The following LNPEP variants were observed in gnomAD, a reference collection of about 807,000 sequenced individuals.
LNPEP encodes leucyl-cystinyl aminopeptidase.
A neutral mutation model predicts 120.6 loss-of-function variants in LNPEP; 64 were observed. The observed-to-expected ratio is 0.53, with a 90% confidence interval of 0.43 to 0.65. The LOEUF (loss-of-function observed/expected upper bound fraction) is 0.65. LNPEP is among the 30% of genes least tolerant of loss of function. The pLI is 0.00. For missense variants in LNPEP, 1,057 were observed against 1,200.0 expected (o/e 0.88, Z 1.76); for synonymous variants, 435 against 425.4 (o/e 1.02, Z -0.28).
intron 6 of LNPEP, among the ~76,000 whole-genome samples, chr5:96,994,568 GAGAA>G (rs1790463554): frequency 6.6e-6 from 1 of 151,872 alleles, no homozygotes; most frequent in African/African-American, 2.4e-5. Context: ...ATGACATGGA[GAGAA>G]AGAAAGAAAA....
At chr5:96,966,423 C>T (rs1443707379) in intron 1 of LNPEP, among the ~76,000 whole-genome samples, 1 of 151,780 alleles carries the variant, frequency 6.6e-6, no homozygotes, top group African/African-American at 2.4e-5. Flanking sequence ...TTGCTTGAGC[C>T]TGGGAGTTTG....
intron 1 of LNPEP, among the ~76,000 whole-genome samples, chr5:96,976,202 T>A (rs1050085728): frequency 1.2e-4 from 18 of 152,112 alleles, no homozygotes; most frequent in Non-Finnish European, 1.5e-5. Context: ...ATAAAAGTGA[T>A]TTTCCCTGAT....
intron 1 of LNPEP, among the ~76,000 whole-genome samples, chr5:96,974,704 A>G (rs1183103517): frequency 6.6e-6 from 1 of 152,054 alleles, no homozygotes; most frequent in Non-Finnish European, 1.5e-5. Flanking sequence ...GGCCCCTGGA[A>G]TCAGGCTTCT....
intron 1 of LNPEP, chr5:96,937,665 A>C (rs1449116490): frequency 1.3e-5 from 2 of 152,224 alleles, no homozygotes; most frequent in Non-Finnish European, 2.9e-5. Context: ...AAATTAAAAA[A>C]AAAATCTCTG....
intron 1 of LNPEP, among the ~76,000 whole-genome samples, chr5:96,938,038 C>G (rs1788961171): frequency 6.6e-6 from 1 of 152,164 alleles, no homozygotes; most frequent in Non-Finnish European, 1.5e-5. Context: ...ACAAGGAAAA[C>G]AGAAACGACA....
At chr5:96,973,577 A>T (rs1382871178) in intron 1 of LNPEP, among the ~76,000 whole-genome samples, 1 of 152,142 alleles carries the variant, frequency 6.6e-6, no homozygotes, top group Admixed American at 6.6e-5. Flanking sequence ...TAGCATTTAC[A>T]ATGGATTGGA....
In LNPEP at chr5:97,013,811, C is replaced by T; in HGVS notation, c.2199C>T (p.Asn733=). ...ACAAAGACCGAGCCAACCTTATCAA[C>T]AACATCTTTGAACTTGCAGGGTAGA... The part of the protein sequence containing the change: ...LSDKDRANLI[N]NIFELAGLGK... Residue 733 remains asparagine (N), a synonymous_variant, in exon 12 of 18, where the codon AAC becomes AAT. Transcript: ENST00000231368. 6.2e-7 allele frequency: 1 copy of T among 1,601,466 alleles called. No individual in the cohort carries two copies. The highest frequency in any genetic ancestry group is 1.7e-4 in the Middle Eastern group (1 of 6,010).
chr5:96,938,578 T>C (rs1166775188), intron 1 of LNPEP, among the ~76,000 whole-genome samples: 13 of 152,192 alleles, frequency 8.5e-5, no homozygotes, highest in Admixed American at 8.5e-4. Context: ...TTTTTTGTAG[T>C]TTCCCTGTTT....
Position 96,979,760 on chromosome 5 carries a change from T to C in LNPEP, c.642T>C (p.His214=). The C allele has an allele frequency of 6.2e-7, 1 of 1,614,026 alleles. No individual in the cohort carries two copies. The highest frequency in any genetic ancestry group is 8.5e-7 in the Non-Finnish European group (1 of 1,179,926). Residue 214 remains histidine, a synonymous_variant, in exon 2 of 18, where the codon CAT becomes CAC. Transcript: ENST00000231368. Reference sequence around the variant, plus strand: ...ATATCATTCTTCATAGCACAGGTCATAATATTTCAAGAGTGACCTTTATGT... The same window carrying C: ...ATATCATTCTTCATAGCACAGGTCACAATATTTCAAGAGTGACCTTTATGT... ...TWNIILHSTG[H]NISRVTFMSA...
chr5:96,980,446 A>T, intron 2 of LNPEP, among the ~76,000 whole-genome samples: 1 of 152,056 alleles, frequency 6.6e-6, no homozygotes, highest in East Asian at 1.9e-4. Context: ...CTTAATCTTT[A>T]CTGGTTTATT....
intron 2 of LNPEP, among the ~76,000 whole-genome samples, chr5:96,980,233 A>G (rs1790093141): frequency 6.6e-6 from 1 of 152,132 alleles, no homozygotes; most frequent in Non-Finnish European, 1.5e-5. Flanking sequence ...AAAACTTGTT[A>G]TCTTGAGTTT....
intron 1 of LNPEP, among the ~76,000 whole-genome samples, chr5:96,950,845 C>G (rs1229929388): frequency 6.6e-6 from 1 of 152,204 alleles, no homozygotes; most frequent in Non-Finnish European, 1.5e-5. Flanking sequence ...ATCTCCATTT[C>G]TCCCTACTCC....
At chr5:96,999,463 A>G (rs147315280) in intron 8 of LNPEP, among the ~76,000 whole-genome samples, 1 of 152,272 alleles carries the variant, frequency 6.6e-6, no homozygotes, top group Non-Finnish European at 1.5e-5. Flanking sequence ...CTATTAACAA[A>G]CAAGAAAATC....
Position 96,992,996 on chromosome 5 carries a change from A to G in LNPEP, c.1132-19A>G, listed in dbSNP as rs1232104873. ...TTAATTGTACCTGTCCTTGCATCAT[A>G]CATAATGTTTTCCTTTAGGTTTCTA... is the stretch of plus-strand genomic sequence containing the variant. On this transcript the variant is annotated intron_variant, in intron 4 of 17. Transcript: ENST00000231368. The G allele has an allele frequency of 3.2e-6, 5 of 1,557,066 alleles. No individual in the cohort carries two copies. Among genetic ancestry groups the G allele is most frequent in the Non-Finnish European group, 4.4e-6 (5 of 1,149,416 alleles).
chr5:97,028,750 C>A lies in LNPEP; in HGVS notation c.*217C>A, dbSNP rs39602. ...TTATTTATTACAAAATTATATTCAC[C>A]TAAATGCCAACCATCTACAAAAACA... On this transcript the variant is annotated 3_prime_UTR_variant, in exon 18 of 18. Coordinates refer to ENST00000231368, the MANE Select transcript of LNPEP (RefSeq NM_005575.3). 5 of 402,964 alleles carry A rather than the reference C, an allele frequency of 1.2e-5. No homozygotes were observed. Among genetic ancestry groups the A allele is most frequent in the East Asian group, 9.8e-5 (2 of 20,384 alleles). The allele number at this position is 402,964 out of a possible 1,614,324, so 25.0% of individuals were successfully genotyped here.
chr5:96,965,028 C>A (rs1789694847), intron 1 of LNPEP, among the ~76,000 whole-genome samples: 1 of 152,090 alleles, frequency 6.6e-6, no homozygotes, highest in Non-Finnish European at 1.5e-5. Flanking sequence ...ATGATCAAAT[C>A]AGGGCAGTTG....
At chr5:96,955,929 G>A (rs1561430771) in intron 1 of LNPEP, among the ~76,000 whole-genome samples, 1 of 152,200 alleles carries the variant, frequency 6.6e-6, no homozygotes. Context: ...TGACAATGCT[G>A]ATTAATTTAG....
At chr5:96,953,557 C>T (rs963956276) in intron 1 of LNPEP, among the ~76,000 whole-genome samples, 6 of 152,158 alleles carry the variant, frequency 3.9e-5, no homozygotes, top group Non-Finnish European at 7.4e-5. Flanking sequence ...AATACAATGA[C>T]GTACAAAAGG....
intron 8 of LNPEP, among the ~76,000 whole-genome samples, chr5:97,001,466 A>G (rs1790647590): frequency 6.6e-6 from 1 of 152,202 alleles, no homozygotes; most frequent in Admixed American, 6.5e-5. Flanking sequence ...TATGGATTAG[A>G]TATCCAAATG....
Sources: allele counts gnomAD v4.1 joint callset (sites outside exome capture counted in the v4.1 genomes callset), GRCh38; gene constraint gnomAD v4.1.1; transcripts MANE v1.5; gene names NCBI Gene and HGNC (gene_info 2026-07-23, HGNC 2026-07-21).